The following FREM3 variants were observed in gnomAD, a reference collection of about 807,000 sequenced individuals.
FREM3 encodes FRAS1-related extracellular matrix protein 3.
In FREM3, 105 loss-of-function variants were observed where a neutral mutation model predicts 129.1. The ratio of observed to expected loss-of-function variants is 0.81; its 90% CI spans 0.69 to 0.96. The LOEUF (loss-of-function observed/expected upper bound fraction) is 0.96, where lower values mean the gene tolerates loss of function less well. FREM3 is among the 40% of genes least tolerant of loss of function. FREM3 has a pLI of 0.00. For synonymous variants in FREM3, 1,014 were observed against 1,044.9 expected (o/e 0.97, Z 0.57); for missense variants, 2,593 against 2,666.3 (o/e 0.97, Z 0.61).
At chr4:143,578,092 G>A (rs1483549493) in intron 7 of FREM3, among the ~76,000 whole-genome samples, 1 of 152,208 alleles carries the variant, frequency 6.6e-6, no homozygotes, top group Non-Finnish European at 1.5e-5. Flanking sequence ...GTCTAGACCA[G>A]GCACATCACC....
chr4:143,667,226 C>A lies in FREM3; in HGVS notation c.5275+25887G>T, dbSNP rs1290179065. Among the ~76,000 whole-genome samples the A allele has an allele frequency of 3.3e-5, 5 of 152,110 alleles. No homozygotes were observed. In the East Asian group the frequency reaches 9.6e-4, roughly 29 times the overall value. On this transcript the variant is annotated intron_variant, in intron 2 of 7. Coordinates refer to ENST00000329798, the MANE Select transcript of FREM3 (RefSeq NM_001168235.2). ...TAAAAATTAACAGAAAATTTAAATTCAATTTCACCACTATATTCTATATAC... is the reference window on the plus strand; with the variant it reads ...TAAAAATTAACAGAAAATTTAAATTAAATTTCACCACTATATTCTATATAC...
chr4:143,669,889 A>G (rs1251345559), intron 2 of FREM3, among the ~76,000 whole-genome samples: 1 of 152,200 alleles, frequency 6.6e-6, no homozygotes, highest in Non-Finnish European at 1.5e-5. Context: ...TAGTGAGCAT[A>G]GTACCCAATA....
At chr4:143,580,702 G>C (rs1578818487) in intron 7 of FREM3, among the ~76,000 whole-genome samples, 1 of 152,196 alleles carries the variant, frequency 6.6e-6, no homozygotes, top group Non-Finnish European at 1.5e-5. Context: ...CTTGCAGGCT[G>C]GTAGCAGCCC....
At chr4:143,601,344 A>G (rs980717097) in intron 6 of FREM3, among the ~76,000 whole-genome samples, 4 of 152,176 alleles carry the variant, frequency 2.6e-5, no homozygotes, top group Admixed American at 1.3e-4. Flanking sequence ...TTAATGACAA[A>G]GATACTAAAC....
rs1269107850 is a variant in FREM3, at chr4:143,699,899, C to T, written c.777G>A (p.Ser259=). The change falls in exon 1 of 8, where the codon TCG becomes TCA. Residue 259 remains serine, a synonymous_variant. Coordinates refer to ENST00000329798, the MANE Select transcript of FREM3 (RefSeq NM_001168235.2). The surrounding 1 kb of genome is among the most constrained non-coding windows in gnomAD (Gnocchi z 4.2). The part of the protein sequence containing the change: ...GVRYQHTATS[S]PNRDYVPMMV... ...TCATGGGCACGTAGTCACGGTTGGGCGAGGAGGTGGCTGTGTGCTGATAGC... is the reference window on the plus strand; with the variant it reads ...TCATGGGCACGTAGTCACGGTTGGGTGAGGAGGTGGCTGTGTGCTGATAGC... The T allele has an allele frequency of 6.5e-7, 1 of 1,536,474 alleles. No homozygotes were observed. The highest frequency in any genetic ancestry group is 8.7e-7 in the Non-Finnish European group (1 of 1,146,722).
At position 143,636,591 on chromosome 4, in the gene FREM3, A is replaced by G. The variant is rs116739333; in HGVS notation, c.5276-8831T>C. 8.9e-3 allele frequency among the ~76,000 whole-genome samples: 1,362 copies of G among 152,220 alleles called. 5 individuals carry two copies. The highest frequency in any genetic ancestry group is 0.013 in the Non-Finnish European group (906 of 67,992). ...TAATGGCATTTATGTTTTCACAATT[A>G]TTTCCCATTAGGTTAAAAAATATGG... On this transcript the variant is annotated intron_variant, in intron 2 of 7. Coordinates refer to ENST00000329798, the MANE Select transcript of FREM3 (RefSeq NM_001168235.2).
Position 143,585,791 on chromosome 4 carries a change from C to G in FREM3, c.6178+53G>C. 1 of 1,511,696 alleles carries G rather than the reference C, an allele frequency of 6.6e-7. No homozygotes were observed. 93.6% of individuals were successfully genotyped at this position (1,511,696 alleles called of 1,614,324 possible). On this transcript the variant is annotated intron_variant, in intron 7 of 7. Coordinates refer to ENST00000329798, the MANE Select transcript of FREM3 (RefSeq NM_001168235.2). The surrounding 1 kb of genome is among the most constrained non-coding windows in gnomAD (Gnocchi z 4.2). ...ATGCTTACACTTAACAGACTAGACT[C>G]CACCATAAACATGTATCATGATAAT...
intron 6 of FREM3, among the ~76,000 whole-genome samples, chr4:143,591,637 T>G (rs77793211): frequency 0.99 from 150,794 of 152,164 alleles, 74,731 homozygotes; most frequent in Middle Eastern, 1. Flanking sequence ...TTTTACATTT[T>G]CTGAGGAGAG....
In FREM3 at chr4:143,696,420, A is replaced by G. The variant is rs1292825469; in HGVS notation, c.4256T>C (p.Ile1419Thr). The change falls in exon 1 of 8, where the codon ATT (isoleucine) becomes ACT (threonine). Residue 1419 changes from isoleucine to threonine, a missense_variant. Coordinates refer to ENST00000329798, the MANE Select transcript of FREM3 (RefSeq NM_001168235.2). ...TLTDHYFYVT[I>T]GNLDSVFPEV... ...AGGGAAGACGCTGTCTAAGTTGCCA[A>G]TGGTGACATAGAAGTAGTGGTCTGT... The G allele has an allele frequency of 5.9e-5, 90 of 1,537,484 alleles. 1 individual carries two copies. Among genetic ancestry groups the G allele is most frequent in the East Asian group, 1.7e-4 (7 of 40,928 alleles).
intron 6 of FREM3, among the ~76,000 whole-genome samples, chr4:143,594,679 A>C (rs1307969313): frequency 6.6e-6 from 1 of 152,234 alleles, no homozygotes; most frequent in Non-Finnish European, 1.5e-5. Flanking sequence ...GTTTAGAGAA[A>C]AAAATGTCAG....
At chr4:143,596,789 A>G (rs1232780743) in intron 6 of FREM3, among the ~76,000 whole-genome samples, 1 of 151,860 alleles carries the variant, frequency 6.6e-6, no homozygotes, top group East Asian at 1.9e-4. Context: ...TAAAGAAATA[A>G]TTAGCTGGGT....
At chr4:143,688,596 G>T (rs1284842787) in intron 2 of FREM3, among the ~76,000 whole-genome samples, 1 of 152,086 alleles carries the variant, frequency 6.6e-6, no homozygotes, top group Non-Finnish European at 1.5e-5. Flanking sequence ...AACAAACCTG[G>T]AGGCATCACA....
chr4:143,655,501 ATCTCT>A (rs1489435190), intron 2 of FREM3, among the ~76,000 whole-genome samples: 1 of 152,160 alleles, frequency 6.6e-6, no homozygotes, highest in African/African-American at 2.4e-5. Context: ...CCTCTCATGA[ATCTCT>A]TCTCAGTACT....
intron 6 of FREM3, among the ~76,000 whole-genome samples, chr4:143,600,255 G>C (rs1247638431): frequency 6.6e-6 from 1 of 152,098 alleles, no homozygotes; most frequent in Non-Finnish European, 1.5e-5. Flanking sequence ...ACATCATTTT[G>C]TTCTCACTTA....
intron 6 of FREM3, among the ~76,000 whole-genome samples, chr4:143,588,241 G>GT (rs201716181): frequency 2.9e-4 from 44 of 151,746 alleles, no homozygotes; most frequent in African/African-American, 5.1e-4. Flanking sequence ...GCTATCCTGT[G>GT]TTTTTTTTAT....
In FREM3 at chr4:143,696,693, C is replaced by T. The variant is rs1309590255; in HGVS notation, c.3983G>A (p.Arg1328Gln). The change falls in exon 1 of 8, where the codon CGG (arginine) becomes CAG (glutamine). Residue 1328 changes from arginine (R) to glutamine (Q), a missense_variant. Arg to Gln is a conservative substitution (Grantham distance 43). This residue lies in a region of FREM3 where 2,276 missense variants were observed against 2,267.2 expected (regional missense o/e 1.00). Transcript: ENST00000329798. Reference protein sequence around the residue: ...EKGHSEIITNRILKATDLDSD... With the variant: ...EKGHSEIITNQILKATDLDSD... Reference sequence around the variant, plus strand: ...GTCAAGATCTGTGGCCTTGAGGATCCGATTTGTGATGATCTCAGAGTGTCC... The same window carrying T: ...GTCAAGATCTGTGGCCTTGAGGATCTGATTTGTGATGATCTCAGAGTGTCC... The T allele has an allele frequency of 2.5e-5, 38 of 1,537,774 alleles. No individual in the cohort carries two copies. Among genetic ancestry groups the T allele is most frequent in the East Asian group, 9.8e-5 (4 of 40,914 alleles).
In FREM3 at chr4:143,696,072, T is replaced by G; in HGVS notation, c.4604A>C (p.Asn1535Thr). The G allele has an allele frequency of 2.0e-6, 3 of 1,537,574 alleles. No homozygotes were observed. The highest frequency in any genetic ancestry group is 2.6e-6 in the Non-Finnish European group (3 of 1,146,966). The change falls in exon 1 of 8, where the codon AAT (asparagine) becomes ACT (threonine). Residue 1535 changes from asparagine to threonine, a missense_variant. By Grantham distance (65) the Asn-to-Thr change is moderately conservative. This residue lies in a region of FREM3 where 2,276 missense variants were observed against 2,267.2 expected (regional missense o/e 1.00). Coordinates refer to ENST00000329798, the MANE Select transcript of FREM3 (RefSeq NM_001168235.2). ...ATGGATGGTCAAGATAGGTTTCTTA[T>G]TATCCACATCAGTGATGAAGATCCT... ...TFRIFITDVD[N>T]KKPILTIHRL...
chr4:143,605,917 G>A (rs917027431), intron 6 of FREM3, among the ~76,000 whole-genome samples: 2 of 151,990 alleles, frequency 1.3e-5, no homozygotes, highest in Non-Finnish European at 2.9e-5. Context: ...TGTTTTCTTG[G>A]GTAGGTTACT....
chr4:143,624,448 C>A (rs1057306158), intron 3 of FREM3, 110 bp from the exon 4 acceptor site: 51 of 661,088 alleles, frequency 7.7e-5, no homozygotes, highest in Middle Eastern at 4.1e-4. Flanking sequence ...GAAATTGTTT[C>A]TTTTAATGCT....
Sources: allele counts gnomAD v4.1 joint callset (sites outside exome capture counted in the v4.1 genomes callset), GRCh38; gene constraint gnomAD v4.1.1; regional missense constraint gnomAD v4.1.1; non-coding constraint Gnocchi (gnomAD v3.1); transcripts MANE v1.5; gene names NCBI Gene and HGNC (gene_info 2026-07-23, HGNC 2026-07-21).